Variants in CARD14 observed in about 807,000 individuals in gnomAD.
CARD14 encodes the protein caspase recruitment domain family member 14.
CARD14 carries 107 observed loss-of-function variants against 111.5 expected under a neutral mutation model. The ratio of observed to expected loss-of-function variants is 0.96; its 90% CI spans 0.82 to 1.13. CARD14 has a LOEUF of 1.13. Among genes scored for constraint, CARD14 ranks in the 50% most tolerant of loss-of-function variants. The pLI, the probability that CARD14 is intolerant of heterozygous loss-of-function variation, is 0.00. For missense variants in CARD14, 1,322 were observed against 1,362.3 expected (o/e 0.97, Z 0.47); for synonymous variants, 617 against 579.6 (o/e 1.06, Z -0.93).
In CARD14 at chr17:80,188,853, C is replaced by T. The variant is rs766027901; in HGVS notation, c.843+309C>T. 1.1e-5 allele frequency: 2 copies of T among 188,166 alleles called. No individual in the cohort carries two copies. Among genetic ancestry groups the T allele is most frequent in the Non-Finnish European group, 2.2e-5 (2 of 92,124 alleles). 11.7% of individuals were successfully genotyped at this position (188,166 alleles called of 1,614,324 possible). On this transcript the variant is annotated intron_variant, in intron 8 of 23. Transcript: ENST00000648509. The surrounding 1 kb of genome is among the most constrained non-coding windows in gnomAD (Gnocchi z 4.5). ...ATAGCTTGAGCTCAGGAGTTCAAGACCAGCCTGGGCAACATGGCGAGACCC... is the reference window on the plus strand; with the variant it reads ...ATAGCTTGAGCTCAGGAGTTCAAGATCAGCCTGGGCAACATGGCGAGACCC...
At chr17:80,204,949 A>AAGC in intron 20 of CARD14, 86 bp from the exon 21 acceptor site, 1 of 1,210,694 alleles carries the variant, frequency 8.3e-7, no homozygotes, top group Non-Finnish European at 1.1e-6. Context: ...GCAGTGAGCA[A>AAGC]AGCAGACCCA....
intron 2 of CARD14, among the ~76,000 whole-genome samples, chr17:80,177,161 C>T (rs1256486169): frequency 2.0e-5 from 3 of 152,306 alleles, no homozygotes; most frequent in East Asian, 1.9e-4. Context: ...ACTCCAGTCT[C>T]GGCCTCTGCC....
In CARD14 at chr17:80,198,586, G is replaced by A. The variant is rs781352237; in HGVS notation, c.1846G>A (p.Val616Met). 1.1e-5 allele frequency: 17 copies of A among 1,612,080 alleles called. No individual in the cohort carries two copies. Among genetic ancestry groups the A allele is most frequent in the South Asian group, 3.3e-5 (3 of 90,996 alleles). ...QMALRPGTQIVMVDYEASEPL... is the reference protein window; with the variant it reads ...QMALRPGTQIMMVDYEASEPL... ...GGCCTTGCGCCCGGGCACCCAGATT[G>A]TGATGGTGAGCCGTGCGAGGCCCCT... Residue 616 changes from valine to methionine, a missense_variant, in exon 16 of 24, where the codon GTG becomes ATG. By Grantham distance (21) the Val-to-Met change is conservative. Transcript: ENST00000648509. This position sits in a 1 kb window ranked among gnomAD's most constrained non-coding sequence, Gnocchi z 7.5.
At position 80,201,582 on chromosome 17, in the gene CARD14, C is replaced by G. The variant is rs921225711; in HGVS notation, c.1852-162C>G. The G allele has an allele frequency of 1.1e-5, 8 of 722,416 alleles. No homozygotes were observed. Among genetic ancestry groups the G allele is most frequent in the Non-Finnish European group, 1.7e-5 (7 of 411,534 alleles). The allele number at this position is 722,416 out of a possible 1,614,324, so 44.8% of individuals were successfully genotyped here. A position where few individuals can be genotyped will look rare whatever the true frequency, so the allele number is the denominator to read the frequency against. ...CATCACTAGAGGTGTGAAGGCCCCA[C>G]AGAGGCTCTGGTGTGTGGCTTTGTT... On this transcript the variant is annotated intron_variant, in intron 16 of 23. Transcript: ENST00000648509. This position sits in a 1 kb window ranked among gnomAD's most constrained non-coding sequence, Gnocchi z 5.0.
intron 2 of CARD14, among the ~76,000 whole-genome samples, chr17:80,176,344 G>A (rs2040026266): frequency 6.7e-6 from 1 of 149,848 alleles, no homozygotes; most frequent in African/African-American, 2.5e-5. Context: ...CGGAGGCTAA[G>A]GTAGAGGATC....
chr17:80,171,205 C>CCCTCCCTCCCTCCCTCCCTT (rs1429751226), intron 1 of CARD14, among the ~76,000 whole-genome samples: 1 of 41,166 alleles, frequency 2.4e-5, no homozygotes, highest in African/African-American at 1.1e-4. Context: ...CTCCCTCCCT[C>CCCTCCCTCCCTCCCTCCCTT]CCTTCCTTCC....
chr17:80,170,373 A>G (rs1247228220), intron 1 of CARD14: 1 of 152,204 alleles, frequency 6.6e-6, no homozygotes, highest in Admixed American at 6.5e-5. Context: ...TTGCCGTGGG[A>G]TGAAAGACAG....
In CARD14 at chr17:80,171,815, G is replaced by C. The variant is rs188385202; in HGVS notation, c.-689-1091G>C. On this transcript the variant is annotated intron_variant, in intron 1 of 23. Coordinates refer to ENST00000648509, the MANE Select transcript of CARD14 (RefSeq NM_001366385.1). ...TGCCCTGGCTTTCTGAGTTCAGTCT[G>C]ATGGGAGGGCACAGTCAGCACCCTC... Among the ~76,000 whole-genome samples the C allele has an allele frequency of 7.7e-4, 117 of 152,300 alleles. 1 individual carries two copies. The highest frequency in any genetic ancestry group is 1.5e-3 in the Non-Finnish European group (101 of 68,018).
chr17:80,202,030 G>A, intron 17 of CARD14, 150 bp from the exon 18 acceptor site: 1 of 1,218,720 alleles, frequency 8.2e-7, no homozygotes, highest in Non-Finnish European at 1.2e-6. Flanking sequence ...CCCCAAGCCA[G>A]CTGGAAACCT....
rs1184081531 is a variant in CARD14, at chr17:80,190,798, C to T, written c.988C>T (p.Leu330=). Reference sequence around the variant, plus strand: ...GTACTGGGAAGAGAAGGAACAGACCCTGCTGCAGTTCCAGAAGAGTAAGAT... The same window carrying T: ...GTACTGGGAAGAGAAGGAACAGACCTTGCTGCAGTTCCAGAAGAGTAAGAT... ...EQYWEEKEQT[L]LQFQKSKMAC... Residue 330 remains leucine (L), a synonymous_variant, in exon 10 of 24, where the codon CTG becomes TTG. Coordinates refer to ENST00000648509, the MANE Select transcript of CARD14 (RefSeq NM_001366385.1). 6 of 1,614,040 alleles carry T rather than the reference C, an allele frequency of 3.7e-6. No homozygotes were observed. Among genetic ancestry groups the T allele is most frequent in the African/African-American group, 2.7e-5 (2 of 74,924 alleles).
At chr17:80,185,618 C>T (rs2040320084) in intron 7 of CARD14, among the ~76,000 whole-genome samples, 1 of 152,148 alleles carries the variant, frequency 6.6e-6, no homozygotes. Flanking sequence ...ATCCAATCCG[C>T]CTGTGTTCTG....
At position 80,188,043 on chromosome 17, in the gene CARD14, A is replaced by G. The variant is rs953114851; in HGVS notation, c.676-334A>G. The G allele has an allele frequency of 1.7e-5, 15 of 883,212 alleles. No individual in the cohort carries two copies. The highest frequency in any genetic ancestry group is 1.9e-5 in the Non-Finnish European group (14 of 728,552). 54.7% of individuals were successfully genotyped at this position (883,212 alleles called of 1,614,324 possible). Reference sequence around the variant, plus strand: ...TGGACAAGCAGGGAAGCCAGGGAGCATGCTGGCCATCACTGCCGGCTGCTC... The same window carrying G: ...TGGACAAGCAGGGAAGCCAGGGAGCGTGCTGGCCATCACTGCCGGCTGCTC... On this transcript the variant is annotated intron_variant, in intron 7 of 23. Transcript: ENST00000648509. This position sits in a 1 kb window ranked among gnomAD's most constrained non-coding sequence, Gnocchi z 4.5.
chr17:80,176,798 AGAGGATCATTCT>A (rs1314434019), intron 2 of CARD14, among the ~76,000 whole-genome samples: 2 of 152,196 alleles, frequency 1.3e-5, no homozygotes, highest in Non-Finnish European at 2.9e-5. Context: ...GAAGTGGGGC[AGAGGATCATTCT>A]GACTTGGAGT....
chr17:80,193,226 G>A (rs771663122), intron 12 of CARD14, among the ~76,000 whole-genome samples: 2 of 152,004 alleles, frequency 1.3e-5, no homozygotes, highest in African/African-American at 2.4e-5. Flanking sequence ...ACCTGGCACA[G>A]ACAGTCCCCA....
At chr17:80,180,817 C>T (rs894378593) in intron 4 of CARD14, among the ~76,000 whole-genome samples, 24 of 152,216 alleles carry the variant, frequency 1.6e-4, no homozygotes, top group Admixed American at 1.5e-3. Flanking sequence ...GGCTGGAGTG[C>T]AGTGGCACAA....
Position 80,188,347 on chromosome 17 carries a change from CG to C in CARD14, c.676-29del. The C allele has an allele frequency of 6.3e-7, 1 of 1,598,230 alleles. No homozygotes were observed. The highest frequency in any genetic ancestry group is 8.5e-7 in the Non-Finnish European group (1 of 1,172,736). ...TGATCAGGGGAGAAGCTGTTTCCAT[CG>C]CCCTTCCTGTCGCCTCCCCACCGCA... On this transcript the variant is annotated intron_variant, in intron 7 of 23. Transcript: ENST00000648509. The surrounding 1 kb of genome is among the most constrained non-coding windows in gnomAD (Gnocchi z 4.5).
intron 7 of CARD14, among the ~76,000 whole-genome samples, chr17:80,184,589 G>A (rs533351297): frequency 3.9e-5 from 6 of 152,348 alleles, no homozygotes; most frequent in African/African-American, 1.2e-4. Flanking sequence ...GCCCAGCTGC[G>A]GCAGTGACAT....
intron 23 of CARD14, 65 bp downstream of exon 23, chr17:80,207,150 G>T: frequency 8.6e-7 from 1 of 1,166,316 alleles, no homozygotes; most frequent in Non-Finnish European, 1.3e-6. Context: ...CAAAGCCCAC[G>T]GCAGGTGCCT....
intron 2 of CARD14, 70 bp downstream of exon 2, chr17:80,173,298 G>GCGCA (rs2039947635): frequency 7.1e-6 from 1 of 141,386 alleles, no homozygotes; most frequent in African/African-American, 2.7e-5. Flanking sequence ...TCTCTCTCAT[G>GCGCA]CACACACACA....
Sources: allele counts gnomAD v4.1 joint callset (sites outside exome capture counted in the v4.1 genomes callset), GRCh38; gene constraint gnomAD v4.1.1; non-coding constraint Gnocchi (gnomAD v3.1); transcripts MANE v1.5; gene names NCBI Gene and HGNC (gene_info 2026-07-23, HGNC 2026-07-21).